GPM6B: variants seen among roughly 807,000 people sequenced by gnomAD.
The protein encoded by GPM6B is glycoprotein M6B.
Under a neutral mutation model 27.2 loss-of-function variants are expected in GPM6B, and 4 were observed. The ratio of observed to expected loss-of-function variants is 0.15; its 90% confidence interval spans 0.07 to 0.34. GPM6B has a LOEUF of 0.34. Ranked by LOEUF, GPM6B falls within the 10% of genes least tolerant of loss-of-function variation. The pLI is 1.00. For missense variants in GPM6B, 183 were observed against 261.9 expected, an observed-to-expected ratio of 0.70 and a Z score of 2.08; for synonymous variants, 124 against 103.1, an observed-to-expected ratio of 1.20 and a Z score of -1.23.
chrX:13,783,969 C>A, intron 3 of GPM6B: 1 of 287,349 alleles, frequency 3.5e-6, no homozygotes, highest in Non-Finnish European at 6.8e-6. Context: ...TGGTTAATGT[C>A]ACTCTGATAA....
At chrX:13,913,121 G>C (rs1471216387) in intron 1 of GPM6B, among the ~76,000 whole-genome samples, 1 of 111,515 alleles carries the variant, frequency 9.0e-6, no homozygotes, top group African/African-American at 3.3e-5. Context: ...GACAATTATA[G>C]CACGTCCCAG....
intron 1 of GPM6B, among the ~76,000 whole-genome samples, chrX:13,913,228 C>T (rs1302763098): frequency 9.0e-6 from 1 of 111,395 alleles, no homozygotes; most frequent in East Asian, 2.8e-4. Flanking sequence ...TGGTTCACTG[C>T]AGCCTCGACC....
chrX:13,935,335 CAAAAAAAAAA>C (rs60400361), intron 1 of GPM6B, among the ~76,000 whole-genome samples: 3 of 42,724 alleles, frequency 7.0e-5, no homozygotes, highest in African/African-American at 2.6e-4. Flanking sequence ...CCTATCTCTA[CAAAAAAAAAA>C]AAAAAAAAAA....
intron 3 of GPM6B, among the ~76,000 whole-genome samples, chrX:13,784,550 A>C (rs888261823): frequency 3.6e-5 from 4 of 112,234 alleles, no homozygotes; most frequent in African/African-American, 1.3e-4. Context: ...TGTCTTTTTC[A>C]GTCTGGTGAA....
intron 1 of GPM6B, among the ~76,000 whole-genome samples, chrX:13,923,795 T>C (rs1379755065): frequency 8.9e-6 from 1 of 112,512 alleles, no homozygotes; most frequent in Admixed American, 9.4e-5. Flanking sequence ...GAATGTAAAC[T>C]TGGTCTTTGT....
chrX:13,894,269 C>T (rs2050212937), intron 1 of GPM6B, among the ~76,000 whole-genome samples: 1 of 111,804 alleles, frequency 8.9e-6, no homozygotes, highest in Admixed American at 9.5e-5. Context: ...AACGGATGTG[C>T]ATCACAGCCA....
chrX:13,875,427 G>C (rs2050023028), intron 1 of GPM6B, among the ~76,000 whole-genome samples: 1 of 111,582 alleles, frequency 9.0e-6, no homozygotes, highest in African/African-American at 3.3e-5. Context: ...GACATCATAT[G>C]GCAGAGGAGG....
intron 1 of GPM6B, among the ~76,000 whole-genome samples, chrX:13,902,739 G>T (rs1240041380): frequency 9.0e-6 from 1 of 111,523 alleles, no homozygotes; most frequent in Admixed American, 9.5e-5. Context: ...TCACAGAGAA[G>T]CCCATCTCTC....
intron 1 of GPM6B, among the ~76,000 whole-genome samples, chrX:13,897,942 A>G: frequency 8.9e-6 from 1 of 112,265 alleles, no homozygotes; most frequent in Admixed American, 9.5e-5. Flanking sequence ...TAATCTGCTT[A>G]ACTGCATTTC....
intron 1 of GPM6B, among the ~76,000 whole-genome samples, chrX:13,894,901 CT>C (rs1425881730): frequency 2.7e-5 from 3 of 112,040 alleles, no homozygotes; most frequent in African/African-American, 9.7e-5. Flanking sequence ...TACACTCCCC[CT>C]ATCTCTTATC....
intron 1 of GPM6B, among the ~76,000 whole-genome samples, chrX:13,859,795 G>A (rs1410036280): frequency 9.0e-6 from 1 of 110,954 alleles, no homozygotes; most frequent in Non-Finnish European, 1.9e-5. Context: ...GCTTAGAATA[G>A]CAAATGTTCA....
At chrX:13,921,908 G>A (rs1034739453) in intron 1 of GPM6B, among the ~76,000 whole-genome samples, 7 of 111,625 alleles carry the variant, frequency 6.3e-5, no homozygotes, top group African/African-American at 2.0e-4. Flanking sequence ...GGAGGTTAAG[G>A]GGTATTACAT....
intron 1 of GPM6B, among the ~76,000 whole-genome samples, chrX:13,855,309 G>A (rs1318651768): frequency 8.9e-6 from 1 of 112,385 alleles, no homozygotes; most frequent in East Asian, 2.8e-4. Flanking sequence ...GTGAGCCACC[G>A]CGCCCGGCTC....
intron 1 of GPM6B, among the ~76,000 whole-genome samples, chrX:13,825,037 G>C (rs750809547): frequency 1.8e-5 from 2 of 111,754 alleles, no homozygotes; most frequent in Non-Finnish European, 3.8e-5. Flanking sequence ...CTCTGTGTGT[G>C]TATGTCTGTG....
intron 2 of GPM6B, among the ~76,000 whole-genome samples, chrX:13,804,010 T>C (rs957192928): frequency 8.9e-6 from 1 of 112,184 alleles, no homozygotes; most frequent in Non-Finnish European, 1.9e-5. Flanking sequence ...TAAATTCACA[T>C]AATCAATTCC....
At chrX:13,933,897 G>T (rs1921699864) in intron 1 of GPM6B, among the ~76,000 whole-genome samples, 1 of 111,668 alleles carries the variant, frequency 9.0e-6, no homozygotes, top group Non-Finnish European at 1.9e-5. Context: ...CTCCAATCAG[G>T]TCCTTGCACT....
intron 2 of GPM6B, among the ~76,000 whole-genome samples, chrX:13,788,804 T>C (rs1374042324): frequency 9.1e-6 from 1 of 109,991 alleles, no homozygotes; most frequent in African/African-American, 3.3e-5. Context: ...AATTCAATAC[T>C]AGATCAAAGC....
rs765990503 is a variant in GPM6B, at chrX:13,924,723, G to A, written c.-198+13604C>T. On this transcript the variant is annotated intron_variant, in intron 1 of 6. Transcript: ENST00000398361. ...CTTCAGGACTCCTGTGGACTTTGAT[G>A]AGGTCCCTTCTTAGCTAAATTGTGA... Among the ~76,000 whole-genome samples, 4 of 111,741 alleles carry A rather than the reference G, an allele frequency of 3.6e-5. No individual in the cohort carries two copies. In the East Asian group the frequency reaches 1.1e-3, roughly 31 times the overall value.
chrX:13,834,325 T>G (rs777698441), intron 1 of GPM6B, among the ~76,000 whole-genome samples: 115 of 112,858 alleles, frequency 1.0e-3, no homozygotes, highest in African/African-American at 3.7e-3. Flanking sequence ...TAATTCTTCC[T>G]AAAGATATAC....
Sources: allele counts gnomAD v4.1 joint callset (sites outside exome capture counted in the v4.1 genomes callset), GRCh38; gene constraint gnomAD v4.1.1; transcripts MANE v1.5; gene names NCBI Gene and HGNC (gene_info 2026-07-23, HGNC 2026-07-21).